The following TXN2 variants were observed in gnomAD, a reference collection of about 807,000 sequenced individuals.
TXN2 encodes the protein thioredoxin, mitochondrial.
TXN2 carries 12 observed loss-of-function variants against 14.6 expected under a neutral mutation model. That is an observed-to-expected ratio of 0.82 (90% CI 0.53 to 1.33). The LOEUF (loss-of-function observed/expected upper bound fraction) is 1.33. TXN2 is among the 40% of genes most tolerant of loss of function. TXN2 has a pLI of 0.00. For missense variants in TXN2, 173 were observed against 207.7 expected, an observed-to-expected ratio of 0.83 and a Z score of 1.03; for synonymous variants, 89 against 81.0, an observed-to-expected ratio of 1.10 and a Z score of -0.53.
intron 3 of TXN2, chr22:36,468,550 C>G: frequency 2.9e-6 from 1 of 346,760 alleles, no homozygotes; most frequent in Non-Finnish European, 5.8e-6. Flanking sequence ...ATAGTGAGAC[C>G]CTTTGTTTAC....
intron 2 of TXN2, among the ~76,000 whole-genome samples, chr22:36,477,671 G>A (rs902471118): frequency 1.3e-5 from 2 of 152,160 alleles, no homozygotes; most frequent in African/African-American, 2.4e-5. Context: ...GGCCTGGAGC[G>A]TCTACAACGC....
rs996430810 is a variant in TXN2, at chr22:36,467,443, C to T, written c.*361G>A. On this transcript the variant is annotated 3_prime_UTR_variant, in exon 4 of 4. Coordinates refer to ENST00000216185, the MANE Select transcript of TXN2 (RefSeq NM_012473.4). ...ATGTAGGTGGCAGACGAGCCAGGCA[C>T]GAGGTTTCAGATTGGAAGGGACCAA... 4.7e-5 allele frequency: 10 copies of T among 213,104 alleles called. No homozygotes were observed. The highest frequency in any genetic ancestry group is 2.1e-4 in the Admixed American group (4 of 18,860). The allele number at this position is 213,104 out of a possible 1,614,324, so 13.2% of individuals were successfully genotyped here.
At chr22:36,476,232 T>C (rs760231953) in intron 3 of TXN2, among the ~76,000 whole-genome samples, 25 of 152,228 alleles carry the variant, frequency 1.6e-4, no homozygotes, top group Non-Finnish European at 3.2e-4. Context: ...CTAAAGGTGG[T>C]GAAGAGAGAC....
chr22:36,468,320 C>T (rs142553259), intron 3 of TXN2, among the ~76,000 whole-genome samples: 114 of 152,332 alleles, frequency 7.5e-4, no homozygotes, highest in African/African-American at 2.6e-3. Flanking sequence ...TGGCTTTGCA[C>T]TCACTAGCAA....
chr22:36,481,542 G>A (rs1254535077), intron 1 of TXN2, 22 bp downstream of exon 1: 2 of 996,114 alleles, frequency 2.0e-6, no homozygotes, highest in African/African-American at 1.8e-5. Flanking sequence ...ACCACCTCGA[G>A]CCACCCCCAC....
intron 3 of TXN2, among the ~76,000 whole-genome samples, chr22:36,472,764 C>T (rs1276732075): frequency 6.6e-6 from 1 of 152,124 alleles, no homozygotes; most frequent in African/African-American, 2.4e-5. Flanking sequence ...ATGGTGGACA[C>T]ATGCCATTAT....
rs141956589 is a variant in TXN2, at chr22:36,468,767, C to A, written c.388-850G>T. ...AGTATAAAGCAGAGCTCAGGCTGGG[C>A]GCGGTGGCTCACACCTGTAATCCCA... On this transcript the variant is annotated intron_variant, in intron 3 of 3. Coordinates refer to ENST00000216185, the MANE Select transcript of TXN2 (RefSeq NM_012473.4). 7.7e-5 allele frequency: 30 copies of A among 387,492 alleles called. No homozygotes were observed. In the East Asian group the frequency reaches 1.1e-3, roughly 15 times the overall value. 24.0% of individuals were successfully genotyped at this position (387,492 alleles called of 1,614,324 possible).
At position 36,475,920 on chromosome 22, in the gene TXN2, C is replaced by T. The variant is rs139221866; in HGVS notation, c.387+813G>A. Among the ~76,000 whole-genome samples, 675 of 152,262 alleles carry T rather than the reference C, an allele frequency of 4.4e-3. 3 individuals are homozygous for T. The highest frequency in any genetic ancestry group is 0.016 in the African/African-American group (645 of 41,510). ...GGCTCAGCTCAGAGGTTCTCTCTAA[C>T]GTGAAGCATTCCCTGTCCCCTCCAG... On this transcript the variant is annotated intron_variant, in intron 3 of 3. Coordinates refer to ENST00000216185, the MANE Select transcript of TXN2 (RefSeq NM_012473.4).
chr22:36,479,304 C>T (rs1019173078), intron 2 of TXN2, among the ~76,000 whole-genome samples: 1 of 151,972 alleles, frequency 6.6e-6, no homozygotes, highest in African/African-American at 2.4e-5. Context: ...CTGTCAGAGA[C>T]CTGACCAGAA....
chr22:36,468,336 C>A (rs1032027204), intron 3 of TXN2, among the ~76,000 whole-genome samples: 1 of 152,220 alleles, frequency 6.6e-6, no homozygotes, highest in African/African-American at 2.4e-5. Context: ...AGCAAGGGGG[C>A]CTTGGCCGGG....
At chr22:36,480,893 GA>G in intron 1 of TXN2, 56 bp from the exon 2 acceptor site, 1 of 1,505,958 alleles carries the variant, frequency 6.6e-7, no homozygotes, top group Non-Finnish European at 8.9e-7. Flanking sequence ...CGACACACTA[GA>G]AAAAGATTTG....
rs12627938 is a variant in TXN2, at chr22:36,468,355, C to T, written c.388-438G>A. On this transcript the variant is annotated intron_variant, in intron 3 of 3. Coordinates refer to ENST00000216185, the MANE Select transcript of TXN2 (RefSeq NM_012473.4). ...AGGGGGCCTTGGCCGGGTCACAGCACCTTTCTGAGCCTCAGTGTCCTTTTC... is the reference window on the plus strand; with the variant it reads ...AGGGGGCCTTGGCCGGGTCACAGCATCTTTCTGAGCCTCAGTGTCCTTTTC... Among the ~76,000 whole-genome samples, 17 of 152,214 alleles carry T rather than the reference C, an allele frequency of 1.1e-4. No individual in the cohort carries two copies. The East Asian group carries it at 3.1e-3, about 28-fold the overall frequency.
chr22:36,477,022 A>G (rs1030471354), intron 2 of TXN2, among the ~76,000 whole-genome samples, 166 bp from the exon 3 acceptor site: 1 of 152,220 alleles, frequency 6.6e-6, no homozygotes, highest in African/African-American at 2.4e-5. Flanking sequence ...GATTCTGCAC[A>G]TGGGAAATCT....
chr22:36,479,395 G>A lies in TXN2; in HGVS notation c.263+1180C>T, dbSNP rs183024965. Among the ~76,000 whole-genome samples, 135 of 150,528 alleles carry A rather than the reference G, an allele frequency of 9.0e-4. 2 individuals carry two copies. The East Asian group carries it at 0.025, about 28-fold the overall frequency. On this transcript the variant is annotated intron_variant, in intron 2 of 3. Transcript: ENST00000216185. Reference sequence around the variant, plus strand: ...CACCCAGGCTGGAGTGCAATGGCGCGATCTCAGCTCACTGCAACCTCCACC... The same window carrying A: ...CACCCAGGCTGGAGTGCAATGGCGCAATCTCAGCTCACTGCAACCTCCACC...
intron 3 of TXN2, among the ~76,000 whole-genome samples, chr22:36,476,474 C>G (rs62229972): frequency 0.057 from 8,666 of 152,150 alleles, 365 homozygotes; most frequent in Non-Finnish European, 0.091. Context: ...CGCCTGTAGT[C>G]CCAGCTACTT....
chr22:36,474,622 A>T (rs1288381743), intron 3 of TXN2, among the ~76,000 whole-genome samples: 15 of 152,160 alleles, frequency 9.9e-5, no homozygotes, highest in Admixed American at 9.8e-4. Flanking sequence ...TTTTCACATG[A>T]AATCTGAGTT....
chr22:36,467,382 CTTTT>C lies in TXN2; in HGVS notation c.*418_*421del, dbSNP rs1313041941. Reference sequence around the variant, plus strand: ...TCTCACTAGTTTGGGCTTCTTTTTTCTTTTTCTTTTTACAAAACAGCAGCTGGAA... The same window carrying C: ...TCTCACTAGTTTGGGCTTCTTTTTTCTCTTTTTACAAAACAGCAGCTGGAA... On this transcript the variant is annotated 3_prime_UTR_variant, in exon 4 of 4. Transcript: ENST00000216185. 1 of 184,586 alleles carries C rather than the reference CTTTT, an allele frequency of 5.4e-6. No individual in the cohort carries two copies. The highest frequency in any genetic ancestry group is 1.4e-4 in the East Asian group (1 of 7,182). 11.4% of individuals were successfully genotyped at this position (184,586 alleles called of 1,614,324 possible).
chr22:36,477,911 C>A (rs1486970918), intron 2 of TXN2, among the ~76,000 whole-genome samples: 2 of 151,958 alleles, frequency 1.3e-5, no homozygotes, highest in African/African-American at 2.4e-5. Context: ...CCGAGGCAGG[C>A]GGATCACCTG....
chr22:36,476,624 C>G, intron 3 of TXN2, 109 bp downstream of exon 3: 1 of 1,483,588 alleles, frequency 6.7e-7, no homozygotes, highest in Non-Finnish European at 9.0e-7. Context: ...ACCAAGACAC[C>G]TTGCTTACTG....
Sources: gnomAD v4.1 joint callset for allele counts (sites outside exome capture counted in the v4.1 genomes callset) on GRCh38, gnomAD v4.1.1 for gene constraint, MANE v1.5 for transcripts, NCBI Gene and HGNC (gene_info 2026-07-23, HGNC 2026-07-21) for gene names.